The following ZKSCAN5 variants were observed in gnomAD, a reference collection of about 807,000 sequenced individuals.
The protein encoded by ZKSCAN5 is zinc finger with KRAB and SCAN domains 5.
A neutral mutation model predicts 60.0 loss-of-function variants in ZKSCAN5; 28 were observed. The observed-to-expected ratio is 0.47, with a 90% CI of 0.35 to 0.64. ZKSCAN5 has a LOEUF of 0.64. Ranked by LOEUF, ZKSCAN5 falls within the 30% of genes least tolerant of loss-of-function variation. The pLI is 0.01. For synonymous variants in ZKSCAN5, 361 were observed against 371.2 expected, an observed-to-expected ratio of 0.97 and a Z score of 0.31; for missense variants, 881 against 1,034.6, an observed-to-expected ratio of 0.85 and a Z score of 2.04.
intron 6 of ZKSCAN5, among the ~76,000 whole-genome samples, chr7:99,529,461 C>T (rs1801948380): frequency 6.6e-6 from 1 of 152,182 alleles, no homozygotes; most frequent in Non-Finnish European, 1.5e-5. Context: ...TCTTTATCAA[C>T]TCATTGCTCA....
At position 99,531,109 on chromosome 7, in the gene ZKSCAN5, C is replaced by T. The variant is rs757717869; in HGVS notation, c.1380C>T (p.Cys460=). Residue 460 remains cysteine, a splice_region_variant and synonymous_variant, in exon 7 of 7, where the codon TGC becomes TGT. Transcript: ENST00000326775. ...KRHFREKSQR[C]SDKRSKNTKL... ...TCACTTGCTCTTTATTTTTTTTAGG[C>T]AGTGACAAAAGAAGTAAGAACACAA... 15 of 1,565,492 alleles carry T rather than the reference C, an allele frequency of 9.6e-6. No individual in the cohort carries two copies. Among genetic ancestry groups the T allele is most frequent in the Non-Finnish European group, 1.3e-5 (15 of 1,162,138 alleles).
At chr7:99,513,842 ACATGATGAAACCCCGT>A (rs1392456054) in intron 3 of ZKSCAN5, 5 of 188,862 alleles carry the variant, frequency 2.6e-5, no homozygotes. Context: ...AGCCTGGCCA[ACATGATGAAACCCCGT>A]CATGATGAAA....
In ZKSCAN5 at chr7:99,519,848, C is replaced by T. The variant is rs1801444284; in HGVS notation, c.575C>T (p.Pro192Leu). ...TTAGCCCTTCCTGTTCTCCAAGTTC[C>T]TTCCCTTCCCCTGAAGGACAGCCAG... Reference protein sequence around the residue: ...EENALPVLQVPSLPLKDSQEL... With the variant: ...EENALPVLQVLSLPLKDSQEL... The change falls in exon 4 of 7, where the codon CCT (proline) becomes CTT (leucine). Residue 192 changes from proline (P) to leucine (L), a missense_variant. Pro to Leu is a moderately conservative substitution (Grantham distance 98). Coordinates refer to ENST00000326775, the MANE Select transcript of ZKSCAN5 (RefSeq NM_145102.4). 6.2e-7 allele frequency: 1 copy of T among 1,614,050 alleles called. No homozygotes were observed. The highest frequency in any genetic ancestry group is 8.5e-7 in the Non-Finnish European group (1 of 1,180,020).
At chr7:99,525,387 G>A (rs756118290) in intron 5 of ZKSCAN5, among the ~76,000 whole-genome samples, 3 of 151,336 alleles carry the variant, frequency 2.0e-5, no homozygotes, top group Non-Finnish European at 4.4e-5. Flanking sequence ...TGGGAGGATC[G>A]CTTGAGCCCA....
chr7:99,512,933 C>G (rs1324005337), intron 3 of ZKSCAN5, among the ~76,000 whole-genome samples: 1 of 150,382 alleles, frequency 6.6e-6, no homozygotes, highest in African/African-American at 2.4e-5. Flanking sequence ...CCCACTAACT[C>G]GTCATCTAGC....
intron 3 of ZKSCAN5, among the ~76,000 whole-genome samples, chr7:99,516,010 C>A (rs1801251621): frequency 6.6e-6 from 1 of 151,104 alleles, no homozygotes; most frequent in Non-Finnish European, 1.5e-5. Flanking sequence ...TTTTTTGAGA[C>A]AGGGTCTCAC....
rs552378134 is a variant in ZKSCAN5, at chr7:99,506,386, C to G, written c.342C>G (p.His114Gln). ...TCCAGCCCTGGGTGAGGGAACATCA[C>G]CCTGAAAGTGGAGAAGAGGCGGTGG... ...EEFQPWVREH[H>Q]PESGEEAVAV... The change falls in exon 2 of 7, where the codon CAC (histidine) becomes CAG (glutamine). Residue 114 changes from histidine to glutamine, a missense_variant. By Grantham distance (24) the His-to-Gln change is conservative. Transcript: ENST00000326775. 6.2e-7 allele frequency: 1 copy of G among 1,614,180 alleles called. No individual in the cohort carries two copies. Among genetic ancestry groups the G allele is most frequent in the South Asian group, 1.1e-5 (1 of 91,080 alleles).
intron 1 of ZKSCAN5, chr7:99,505,343 G>C (rs1334408457): frequency 6.6e-6 from 1 of 152,158 alleles, no homozygotes; most frequent in Non-Finnish European, 1.5e-5. Flanking sequence ...AGCCTCGGCT[G>C]CGGGGAGCTT....
At chr7:99,525,727 T>C in intron 5 of ZKSCAN5, 86 bp from the exon 6 acceptor site, 1 of 1,493,914 alleles carries the variant, frequency 6.7e-7, no homozygotes, top group Middle Eastern at 2.5e-4. Flanking sequence ...CCCTAGCACA[T>C]GTCAGTTTCT....
intron 2 of ZKSCAN5, among the ~76,000 whole-genome samples, chr7:99,508,343 G>C (rs1469439749): frequency 6.6e-6 from 1 of 151,916 alleles, no homozygotes; most frequent in African/African-American, 2.4e-5. Flanking sequence ...TGACAGGTTG[G>C]TTCCCTCATA....
At chr7:99,522,276 G>A (rs1022556098) in intron 5 of ZKSCAN5, among the ~76,000 whole-genome samples, 1 of 152,140 alleles carries the variant, frequency 6.6e-6, no homozygotes, top group African/African-American at 2.4e-5. Flanking sequence ...TACAACATAA[G>A]TAAATGAGTC....
chr7:99,512,331 C>G (rs756871926), intron 2 of ZKSCAN5, 122 bp from the exon 3 acceptor site: 17 of 1,281,902 alleles, frequency 1.3e-5, no homozygotes, highest in Non-Finnish European at 1.8e-5. Context: ...CAGTGCGTGG[C>G]TCATTGTAGA....
At position 99,531,359 on chromosome 7, in the gene ZKSCAN5, A is replaced by G. The variant is rs745669815; in HGVS notation, c.1630A>G (p.Thr544Ala). Residue 544 changes from threonine (T) to alanine (A), a missense_variant, in exon 7 of 7, where the codon ACT (threonine) becomes GCT (alanine). Around this residue, in one of 5 missense-constraint regions of ZKSCAN5, gnomAD observed 490 missense variants for 554.5 expected, o/e 0.88. Coordinates refer to ENST00000326775, the MANE Select transcript of ZKSCAN5 (RefSeq NM_145102.4). Reference protein sequence around the residue: ...EVPYVHKKSSTGERPHKCNEC... With the variant: ...EVPYVHKKSSAGERPHKCNEC... ...CCCATATGTCCACAAAAAATCCTCC[A>G]CTGGAGAGAGACCACATAAATGTAA... 6.8e-6 allele frequency: 11 copies of G among 1,614,200 alleles called. No homozygotes were observed. The South Asian group carries it at 1.1e-4, about 16-fold the overall frequency.
chr7:99,529,342 T>C (rs541656684), intron 6 of ZKSCAN5, among the ~76,000 whole-genome samples: 22 of 152,254 alleles, frequency 1.4e-4, no homozygotes, highest in Non-Finnish European at 2.8e-4. Flanking sequence ...GGTTTTACCA[T>C]GTTGGTCAGG....
Position 99,506,294 on chromosome 7 carries a change from C to A in ZKSCAN5, c.250C>A (p.His84Asn). The change falls in exon 2 of 7, where the codon CAC (histidine) becomes AAC (asparagine). Residue 84 changes from histidine to asparagine, a missense_variant. By Grantham distance (68) the His-to-Asn change is moderately conservative. This residue lies in a region of ZKSCAN5 where 53 missense variants were observed against 88.7 expected (regional missense o/e 0.60). Coordinates refer to ENST00000326775, the MANE Select transcript of ZKSCAN5 (RefSeq NM_145102.4). ...LCCEWLRPEL[H>N]TKEQILELLV... ...CTGTGAGTGGCTGAGGCCCGAGCTG[C>A]ACACGAAGGAGCAGATCCTGGAGCT... The A allele has an allele frequency of 6.2e-7, 1 of 1,614,226 alleles. No individual in the cohort carries two copies. The highest frequency in any genetic ancestry group is 1.1e-5 in the South Asian group (1 of 91,088).
intron 1 of ZKSCAN5, chr7:99,505,226 G>C (rs1333438408): frequency 1.3e-5 from 2 of 152,176 alleles, no homozygotes; most frequent in Non-Finnish European, 2.9e-5. Flanking sequence ...GGATCTAACG[G>C]TTTAACCCCG....
In ZKSCAN5 at chr7:99,519,858, C is replaced by G. The variant is rs756258278; in HGVS notation, c.585C>G (p.Pro195=). 6.2e-7 allele frequency: 1 copy of G among 1,614,104 alleles called. No individual in the cohort carries two copies. The highest frequency in any genetic ancestry group is 1.7e-5 in the Admixed American group (1 of 60,004). Residue 195 remains proline (P), a synonymous_variant, in exon 4 of 7, where the codon CCC becomes CCG. Coordinates refer to ENST00000326775, the MANE Select transcript of ZKSCAN5 (RefSeq NM_145102.4). The stretch of plus-strand genomic sequence containing the variant: ...CTGTTCTCCAAGTTCCTTCCCTTCC[C>G]CTGAAGGACAGCCAGGAGCTGACAG... ...ALPVLQVPSL[P]LKDSQELTAS...
intron 6 of ZKSCAN5, 103 bp downstream of exon 6, chr7:99,526,521 G>A: frequency 1.3e-6 from 2 of 1,493,284 alleles, no homozygotes; most frequent in Non-Finnish European, 1.8e-6. Context: ...ATACTGGGGG[G>A]GGTAGGAAGA....
chr7:99,533,617 G>T lies in ZKSCAN5; in HGVS notation c.*1368G>T. ...ATGAGAGCCATCTCACCTCACCCAG[G>T]AGTCACTTCCTCTCTACACCCCAAC... On this transcript the variant is annotated 3_prime_UTR_variant, in exon 7 of 7. Transcript: ENST00000326775. The T allele has an allele frequency of 4.9e-6, 2 of 406,418 alleles. No individual in the cohort carries two copies. The highest frequency in any genetic ancestry group is 7.0e-5 in the East Asian group (2 of 28,388). 25.2% of individuals were successfully genotyped at this position (406,418 alleles called of 1,614,324 possible).
Sources: gnomAD v4.1 joint callset for allele counts (sites outside exome capture counted in the v4.1 genomes callset) on GRCh38, gnomAD v4.1.1 for gene constraint, gnomAD v4.1.1 regional missense constraint, MANE v1.5 for transcripts, NCBI Gene and HGNC (gene_info 2026-07-23, HGNC 2026-07-21) for gene names.